The following FARP1 variants were observed in gnomAD, a reference collection of about 807,000 sequenced individuals.
The protein encoded by FARP1 is FERM, ARH/RhoGEF and pleckstrin domain protein 1.
In FARP1, 52 loss-of-function variants were observed where a neutral mutation model predicts 128.8. That is an observed-to-expected ratio of 0.40 (90% CI 0.32 to 0.51). The LOEUF (loss-of-function observed/expected upper bound fraction) is 0.51, where lower values mean the gene tolerates loss of function less well. Ranked by LOEUF, FARP1 falls within the 20% of genes least tolerant of loss-of-function variation. FARP1 has a pLI of 0.45. For missense variants in FARP1, 1,333 were observed against 1,367.9 expected, an observed-to-expected ratio of 0.97 and a Z score of 0.40; for synonymous variants, 580 against 551.8, an observed-to-expected ratio of 1.05 and a Z score of -0.72.
intron 2 of FARP1, among the ~76,000 whole-genome samples, chr13:98,277,149 C>CACACACACACACACACACACACACACA (rs1566824323): frequency 1.2e-4 from 14 of 113,198 alleles, no homozygotes; most frequent in African/African-American, 1.7e-4. Flanking sequence ...CACACACACA[C>CACACACACACACACACACACACACACA]CCCATATGTA....
intron 5 of FARP1, among the ~76,000 whole-genome samples, chr13:98,376,086 G>A (rs1594461409): frequency 6.6e-6 from 1 of 152,054 alleles, no homozygotes; most frequent in African/African-American, 2.4e-5. Flanking sequence ...GTCTTGCTGC[G>A]GGGCAGGGGG....
chr13:98,165,303 T>C (rs1054967921), intron 1 of FARP1, among the ~76,000 whole-genome samples: 22 of 152,022 alleles, frequency 1.4e-4, no homozygotes, highest in African/African-American at 4.8e-4. Context: ...CTTTAAGTAA[T>C]TTAAAATCAT....
At chr13:98,318,654 C>A (rs1345168299) in intron 2 of FARP1, among the ~76,000 whole-genome samples, 1 of 152,202 alleles carries the variant, frequency 6.6e-6, no homozygotes, top group Non-Finnish European at 1.5e-5. Flanking sequence ...TCCATTTGAC[C>A]TTGCATGGCG....
At chr13:98,324,445 G>C (rs983257227) in intron 2 of FARP1, among the ~76,000 whole-genome samples, 1 of 152,184 alleles carries the variant, frequency 6.6e-6, no homozygotes, top group Non-Finnish European at 1.5e-5. Context: ...CTGTCTGCAA[G>C]TTGTTATGAA....
At chr13:98,371,052 G>A (rs1171298668) in intron 5 of FARP1, among the ~76,000 whole-genome samples, 1 of 152,124 alleles carries the variant, frequency 6.6e-6, no homozygotes, top group Non-Finnish European at 1.5e-5. Flanking sequence ...CCTGAGCTCT[G>A]CGTGCTGAAA....
At chr13:98,213,164 G>A in intron 1 of FARP1, 56 bp from the exon 2 acceptor site, 1 of 1,458,092 alleles carries the variant, frequency 6.9e-7, no homozygotes, top group Non-Finnish European at 9.3e-7. Context: ...GTGGCACACA[G>A]CTTGGGTGGT....
At chr13:98,152,368 C>T (rs1236795738) in intron 1 of FARP1, among the ~76,000 whole-genome samples, 1 of 152,148 alleles carries the variant, frequency 6.6e-6, no homozygotes, top group African/African-American at 2.4e-5. Context: ...CAGAAGGCTC[C>T]AGCATCTGGG....
chr13:98,353,159 G>C (rs745707096), intron 3 of FARP1, among the ~76,000 whole-genome samples: 5 of 152,004 alleles, frequency 3.3e-5, no homozygotes, highest in Non-Finnish European at 7.4e-5. Flanking sequence ...TTAGTCTTAA[G>C]ACTAAACTCT....
At chr13:98,384,935 A>G in intron 7 of FARP1, 91 bp downstream of exon 7, 1 of 767,286 alleles carries the variant, frequency 1.3e-6, no homozygotes, top group South Asian at 1.5e-5. Context: ...CCCCCACACA[A>G]ACTATTGTGG....
At chr13:98,387,943 G>T (rs143706844) in intron 8 of FARP1, among the ~76,000 whole-genome samples, 2 of 152,160 alleles carry the variant, frequency 1.3e-5, no homozygotes, top group Non-Finnish European at 2.9e-5. Context: ...ATAAATCCAC[G>T]TTGCAGTTTC....
chr13:98,357,501 T>C (rs1888688949), intron 3 of FARP1, among the ~76,000 whole-genome samples: 1 of 152,206 alleles, frequency 6.6e-6, no homozygotes, highest in Non-Finnish European at 1.5e-5. Flanking sequence ...TTTAGTAATA[T>C]TTTCTTCGGG....
chr13:98,170,637 T>C (rs1877590333), intron 1 of FARP1, among the ~76,000 whole-genome samples: 1 of 152,158 alleles, frequency 6.6e-6, no homozygotes, highest in African/African-American at 2.4e-5. Flanking sequence ...ATTACAGGTG[T>C]GAGCCACCGC....
chr13:98,174,468 C>T (rs1367329600), intron 1 of FARP1, among the ~76,000 whole-genome samples: 3 of 152,174 alleles, frequency 2.0e-5, no homozygotes, highest in African/African-American at 4.8e-5. Flanking sequence ...CATATTTCTT[C>T]TTTTGTGCAG....
In FARP1 at chr13:98,453,163, C is replaced by A. The variant is rs1893278974; in HGVS notation, c.*4846C>A. ...AAAGGAAAAACAAAACCCCAAATGCCAAAGGAATTTCAGTGGGATGAAGTT... is the reference window on the plus strand; with the variant it reads ...AAAGGAAAAACAAAACCCCAAATGCAAAAGGAATTTCAGTGGGATGAAGTT... On this transcript the variant is annotated 3_prime_UTR_variant, in exon 27 of 27. Coordinates refer to ENST00000319562, the MANE Select transcript of FARP1 (RefSeq NM_005766.4). 1 of 1,613,540 alleles carries A rather than the reference C, an allele frequency of 6.2e-7. No individual in the cohort carries two copies. Among genetic ancestry groups the A allele is most frequent in the Non-Finnish European group, 8.5e-7 (1 of 1,179,814 alleles).
chr13:98,431,255 C>A lies in FARP1; in HGVS notation c.2118C>A (p.Ser706Arg). 6.3e-7 allele frequency: 1 copy of A among 1,590,468 alleles called. No individual in the cohort carries two copies. Among genetic ancestry groups the A allele is most frequent in the Non-Finnish European group, 8.6e-7 (1 of 1,169,192 alleles). ...LERLCKHHPPSHADFRDCRAA... is the reference protein window; with the variant it reads ...LERLCKHHPPRHADFRDCRAA... ...GGCTGTGCAAACACCACCCGCCGAG[C>A]CACGCCGACTTCAGGGACTGCCGAG... The change falls in exon 18 of 27, where the codon AGC becomes AGA. Residue 706 changes from serine to arginine, a missense_variant. Ser to Arg is a moderately radical substitution (Grantham distance 110). Transcript: ENST00000319562.
intron 17 of FARP1, among the ~76,000 whole-genome samples, chr13:98,426,749 A>G (rs906931555): frequency 6.6e-6 from 1 of 152,216 alleles, no homozygotes; most frequent in Non-Finnish European, 1.5e-5. Flanking sequence ...GCAGAATGCT[A>G]TGCAAAAAAA....
chr13:98,400,694 C>T (rs1371211130), intron 13 of FARP1: 2 of 152,172 alleles, frequency 1.3e-5, no homozygotes, highest in Non-Finnish European at 2.9e-5. Context: ...GTTACATTCC[C>T]CAGAAAGACT....
At chr13:98,409,579 T>C (rs1409136536) in intron 14 of FARP1, 54 bp downstream of exon 14, 6 of 1,455,684 alleles carry the variant, frequency 4.1e-6, no homozygotes, top group Non-Finnish European at 5.5e-6. Context: ...CGTGTGTTTG[T>C]GTGAATTTTA....
chr13:98,299,009 C>T (rs567155563), intron 2 of FARP1, among the ~76,000 whole-genome samples: 7 of 152,196 alleles, frequency 4.6e-5, no homozygotes, highest in East Asian at 1.9e-4. Flanking sequence ...TGCTATCTGG[C>T]GGGAGGGATG....
Sources: allele counts gnomAD v4.1 joint callset (sites outside exome capture counted in the v4.1 genomes callset), GRCh38; gene constraint gnomAD v4.1.1; transcripts MANE v1.5; gene names NCBI Gene and HGNC (gene_info 2026-07-23, HGNC 2026-07-21).